The following RBFOX1 variants were observed in gnomAD, a reference collection of about 807,000 sequenced individuals.
RBFOX1 encodes RNA binding fox-1 homolog 1, also known as RNA binding protein fox-1 homolog 1.
Under a neutral mutation model 57.7 loss-of-function variants are expected in RBFOX1, and 8 were observed. The observed-to-expected ratio is 0.14, with a 90% CI of 0.08 to 0.25. RBFOX1 has a LOEUF of 0.25. Ranked by LOEUF, RBFOX1 falls within the 10% of genes least tolerant of loss-of-function variation. The pLI, the probability that RBFOX1 is intolerant of heterozygous loss-of-function variation, is 1.00. For synonymous variants in RBFOX1, 326 were observed against 222.4 expected (o/e 1.47, Z -4.15); for missense variants, 611 against 548.5 (o/e 1.11, Z -1.14).
intron 1 of RBFOX1, among the ~76,000 whole-genome samples, chr16:5,439,815 A>C (rs2003535): frequency 0.43 from 65,406 of 151,722 alleles, 15,992 homozygotes; most frequent in East Asian, 0.63. Flanking sequence ...ATCATGGCAG[A>C]AGGGGAAGCA....
intron 2 of RBFOX1, among the ~76,000 whole-genome samples, chr16:6,324,137 C>A (rs1005194684): frequency 1.3e-4 from 20 of 151,262 alleles, no homozygotes; most frequent in African/African-American, 4.4e-4. Flanking sequence ...TCATCCCTCA[C>A]CTTCCTCCCG....
At chr16:7,589,542 C>A (rs2094324540) in intron 7 of RBFOX1, among the ~76,000 whole-genome samples, 1 of 151,702 alleles carries the variant, frequency 6.6e-6, no homozygotes, top group South Asian at 2.1e-4. Flanking sequence ...CCAAAATAGC[C>A]TCTCTCGGTG....
chr16:6,742,930 G>C (rs28870527), intron 3 of RBFOX1, among the ~76,000 whole-genome samples: 1 of 152,180 alleles, frequency 6.6e-6, no homozygotes, highest in East Asian at 1.9e-4. Flanking sequence ...ATCTATACGT[G>C]TAATAAAAGG....
At chr16:5,268,404 G>T (rs1274380531) in intron 1 of RBFOX1, among the ~76,000 whole-genome samples, 2 of 152,214 alleles carry the variant, frequency 1.3e-5, no homozygotes, top group Admixed American at 6.5e-5. Flanking sequence ...GTACAGGAAA[G>T]TCAGTTCTTA....
intron 14 of RBFOX1, among the ~76,000 whole-genome samples, chr16:7,680,618 C>G (rs1217944485): frequency 6.6e-6 from 1 of 152,118 alleles, no homozygotes; most frequent in Non-Finnish European, 1.5e-5. Flanking sequence ...AGCCAAGAAG[C>G]TTTTGACATT....
chr16:6,483,764 C>G (rs749174960), intron 2 of RBFOX1: 1 of 1,415,244 alleles, frequency 7.1e-7, no homozygotes, highest in Non-Finnish European at 9.2e-7. Context: ...AGCCGTCAGC[C>G]GCTGTCCAAC....
intron 2 of RBFOX1, among the ~76,000 whole-genome samples, chr16:6,515,345 C>T (rs148338049): frequency 6.6e-6 from 1 of 152,206 alleles, no homozygotes; most frequent in Admixed American, 6.5e-5. Context: ...TGCCAGTCTT[C>T]TACTCAAACA....
intron 2 of RBFOX1, among the ~76,000 whole-genome samples, chr16:6,444,063 AT>A (rs2094439338): frequency 6.6e-6 from 1 of 152,164 alleles, no homozygotes; most frequent in South Asian, 2.1e-4. Context: ...AGAGTCACTG[AT>A]ATTCACAAAG....
intron 2 of RBFOX1, among the ~76,000 whole-genome samples, chr16:5,476,954 T>G (rs562608420): frequency 6.6e-6 from 1 of 152,230 alleles, no homozygotes; most frequent in Non-Finnish European, 1.5e-5. Flanking sequence ...TTTTTGTAAC[T>G]GATGTTATCT....
chr16:6,569,678 A>ACAGAAACCCAAGG (rs1415603901), intron 2 of RBFOX1, among the ~76,000 whole-genome samples: 1 of 152,204 alleles, frequency 6.6e-6, no homozygotes, highest in East Asian at 1.9e-4. Flanking sequence ...GTGGGAACCC[A>ACAGAAACCCAAGG]TCCTGTGAGT....
chr16:6,578,923 A>G (rs1271532097), intron 2 of RBFOX1, among the ~76,000 whole-genome samples: 1 of 152,026 alleles, frequency 6.6e-6, no homozygotes, highest in Admixed American at 6.6e-5. Context: ...AAAGACTGCA[A>G]ATTGGGTACA....
intron 3 of RBFOX1, among the ~76,000 whole-genome samples, chr16:6,789,636 A>G (rs1352519596): frequency 1.3e-5 from 2 of 152,100 alleles, no homozygotes; most frequent in Non-Finnish European, 2.9e-5. Context: ...GCATTTTTAC[A>G]TTTGTGTGCA....
intron 3 of RBFOX1, among the ~76,000 whole-genome samples, chr16:6,925,122 T>TG (rs2075313735): frequency 2.4e-5 from 1 of 42,128 alleles, no homozygotes; most frequent in Non-Finnish European, 4.8e-5. Context: ...TTTTTTTTTT[T>TG]TTTTTTTTTT....
At chr16:6,362,454 GCTAAATTTGTC>G (rs1411195882) in intron 2 of RBFOX1, among the ~76,000 whole-genome samples, 1 of 152,172 alleles carries the variant, frequency 6.6e-6, no homozygotes, top group Non-Finnish European at 1.5e-5. Flanking sequence ...TAGGCAAGGT[GCTAAATTTGTC>G]CAATATGAGG....
intron 1 of RBFOX1, among the ~76,000 whole-genome samples, chr16:6,020,885 A>C (rs1373178791): frequency 6.6e-6 from 1 of 152,156 alleles, no homozygotes; most frequent in Non-Finnish European, 1.5e-5. Context: ...CCACTCAGCA[A>C]GGGAGGGGAA....
intron 4 of RBFOX1, among the ~76,000 whole-genome samples, chr16:7,077,135 G>C (rs1427377203): frequency 1.3e-5 from 2 of 152,116 alleles, no homozygotes; most frequent in African/African-American, 4.8e-5. Flanking sequence ...AAGGCCTGTG[G>C]AGTTTTAGCT....
intron 1 of RBFOX1, among the ~76,000 whole-genome samples, chr16:6,051,073 A>T (rs572059281): frequency 6.7e-6 from 1 of 150,050 alleles, no homozygotes; most frequent in South Asian, 2.2e-4. Flanking sequence ...CCCCGAGGAG[A>T]TCTGTTAGGT....
chr16:7,304,096 G>A, intron 4 of RBFOX1: 2 of 588,172 alleles, frequency 3.4e-6, no homozygotes, highest in Non-Finnish European at 4.3e-6. Flanking sequence ...TTTAGTTGGA[G>A]GCAGAGGAAC....
rs534477406 is a variant in RBFOX1, at chr16:5,286,576, GAGA to G, written c.219+46477_219+46479del. Reference sequence around the variant, plus strand: ...ACAACTTACCCTCACAGCTCTGCATGAGAAGAAGGGGGAATTCCCTCAGTAGAA... The same window carrying G: ...ACAACTTACCCTCACAGCTCTGCATGAGAAGGGGGAATTCCCTCAGTAGAA... On this transcript the variant is annotated intron_variant, in intron 1 of 2. Coordinates refer to the RBFOX1 transcript ENST00000585867. Among the ~76,000 whole-genome samples, 122 of 152,330 alleles carry G rather than the reference GAGA, an allele frequency of 8.0e-4. 1 individual carries two copies. The highest frequency in any genetic ancestry group is 2.7e-3 in the African/African-American group (111 of 41,574).
Sources: gnomAD v4.1 joint callset for allele counts (sites outside exome capture counted in the v4.1 genomes callset) on GRCh38, gnomAD v4.1.1 for gene constraint, MANE v1.5 for transcripts, NCBI Gene and HGNC (gene_info 2026-07-23, HGNC 2026-07-21) for gene names.